The following DMD variants were observed in gnomAD, a reference collection of about 807,000 sequenced individuals.
The protein encoded by DMD is mutant dystrophin.
DMD carries 63 observed loss-of-function variants against 330.1 expected under a neutral mutation model. That is an observed-to-expected ratio of 0.19 (90% confidence interval 0.16 to 0.24). The LOEUF is 0.24. DMD is among the 10% of genes least tolerant of loss of function. The probability of loss-of-function intolerance (pLI) is 1.00; values close to 1 mark genes in which losing one functional copy is unlikely to be tolerated. For synonymous variants in DMD, 1,223 were observed against 959.8 expected, an observed-to-expected ratio of 1.27 and a Z score of -5.07; for missense variants, 3,344 against 2,684.1, an observed-to-expected ratio of 1.25 and a Z score of -5.43.
At chrX:32,393,163 A>C (rs1002989025) in intron 30 of DMD, among the ~76,000 whole-genome samples, 24 of 112,045 alleles carry the variant, frequency 2.1e-4, no homozygotes, top group African/African-American at 7.4e-4. Context: ...TTTCCATATG[A>C]AAAACCTTTC....
In DMD at chrX:32,545,148, G is replaced by A. The variant is rs376214348; in HGVS notation, c.2168+11C>T. ...ACTTCATTTGCAGATAAAAGCTTAA[G>A]ATGCTCTCACCTTTTCCTAATTTCA... On this transcript the variant is annotated intron_variant, in intron 17 of 78. Coordinates refer to ENST00000357033, the MANE Select transcript of DMD (RefSeq NM_004006.3). 8.3e-7 allele frequency: 1 copy of A among 1,205,323 alleles called. No homozygotes were observed. The highest frequency in any genetic ancestry group is 1.1e-6 in the Non-Finnish European group (1 of 889,948).
intron 17 of DMD, among the ~76,000 whole-genome samples, chrX:32,525,341 A>G (rs2046843852): frequency 1.8e-5 from 2 of 111,297 alleles, no homozygotes; most frequent in Non-Finnish European, 3.8e-5. Flanking sequence ...TTTCTCTCCA[A>G]TATTCTGCCA....
chrX:32,244,580 G>C (rs1220951838), intron 43 of DMD, among the ~76,000 whole-genome samples: 1 of 80,209 alleles, frequency 1.2e-5, no homozygotes, highest in Non-Finnish European at 2.4e-5. Flanking sequence ...CCCACCAACA[G>C]TGTAAAAGTG....
Position 31,885,438 on chromosome X carries a change from G to A in DMD, c.6913-10065C>T, listed in dbSNP as rs904898692. 2.8e-5 allele frequency among the ~76,000 whole-genome samples: 3 copies of A among 109,066 alleles called. No homozygotes were observed. In the South Asian group the frequency reaches 1.2e-3, roughly 43 times the overall value. The allele number at this position is 109,066 out of a possible 115,157, so 94.7% of individuals were successfully genotyped here. A position where few individuals can be genotyped will look rare whatever the true frequency, so the allele number is the denominator to read the frequency against. On this transcript the variant is annotated intron_variant, in intron 47 of 78. Transcript: ENST00000357033. ...ATCCTGGCTAACACGGTGAAACCCC[G>A]TCTCTACTAAAAATACAAAAAATTA...
intron 7 of DMD, among the ~76,000 whole-genome samples, chrX:32,736,301 C>A (rs2068473910): frequency 9.0e-6 from 1 of 111,348 alleles, no homozygotes; most frequent in Non-Finnish European, 1.9e-5. Flanking sequence ...AATAGGAACA[C>A]TTTTTCACTG....
Position 31,507,416 on chromosome X carries a change from T to A in DMD, c.8255A>T (p.Tyr2752Phe). Residue 2752 changes from tyrosine to phenylalanine, a missense_variant, in exon 56 of 79, where the codon TAT (tyrosine) becomes TTT (phenylalanine). By Grantham distance (22) the Tyr-to-Phe change is conservative. Transcript: ENST00000357033. ...QGEIEAHTDVYHNLDENSQKI... is the reference protein window; with the variant it reads ...QGEIEAHTDVFHNLDENSQKI... ...TTGGCTGTTTTCATCCAGGTTGTGA[T>A]AAACATCTGTGTGAGCTTCAATTTC... is the stretch of plus-strand genomic sequence containing the variant. 2 of 1,210,224 alleles carry A rather than the reference T, an allele frequency of 1.7e-6. No homozygotes were observed. Among genetic ancestry groups the A allele is most frequent in the South Asian group, 1.8e-5 (1 of 56,713 alleles).
At chrX:32,220,232 G>A (rs1162124634) in intron 43 of DMD, among the ~76,000 whole-genome samples, 1 of 111,219 alleles carries the variant, frequency 9.0e-6, no homozygotes, top group Non-Finnish European at 1.9e-5. Flanking sequence ...TCGTCTCCTC[G>A]TATAATCCAA....
intron 55 of DMD, among the ~76,000 whole-genome samples, chrX:31,606,018 G>A (rs1212486612): frequency 2.7e-4 from 30 of 111,319 alleles, no homozygotes. Flanking sequence ...TAATCCCCAC[G>A]TGTCAAGGGA....
chrX:31,506,327 G>A (rs1012381400), intron 56 of DMD, among the ~76,000 whole-genome samples: 3 of 111,606 alleles, frequency 2.7e-5, no homozygotes, highest in Admixed American at 1.9e-4. Flanking sequence ...AACTACTCCC[G>A]TCATTTAGTG....
At chrX:32,413,707 ATTC>A (rs1368463301) in intron 29 of DMD, among the ~76,000 whole-genome samples, 7 of 86,612 alleles carry the variant, frequency 8.1e-5, no homozygotes, top group Non-Finnish European at 1.1e-4. Context: ...TAAAAGCTCT[ATTC>A]TTTTTTTTTT....
intron 29 of DMD, among the ~76,000 whole-genome samples, chrX:32,426,938 A>T (rs927622497): frequency 4.5e-5 from 5 of 111,346 alleles, no homozygotes; most frequent in Non-Finnish European, 7.5e-5. Context: ...GGGAACAGAC[A>T]CTGGGTCCTA....
chrX:32,260,887 A>AT (rs1459832262), intron 43 of DMD, among the ~76,000 whole-genome samples: 6 of 112,075 alleles, frequency 5.4e-5, no homozygotes, highest in Admixed American at 1.9e-4. Flanking sequence ...AGAGAAAATA[A>AT]GTACATTTTG....
intron 5 of DMD, among the ~76,000 whole-genome samples, chrX:32,817,085 T>C (rs1450559004): frequency 8.9e-6 from 1 of 112,047 alleles, no homozygotes; most frequent in East Asian, 2.8e-4. Context: ...CTATTAATTG[T>C]GGTAATTGGA....
At chrX:33,334,146 T>C (rs2054218562) in intron 1 of DMD, among the ~76,000 whole-genome samples, 1 of 111,727 alleles carries the variant, frequency 9.0e-6, no homozygotes, top group East Asian at 2.8e-4. Context: ...AGATATTATA[T>C]ATAAGTCAAT....
chrX:32,990,392 TTCA>T (rs2092943779), intron 2 of DMD, among the ~76,000 whole-genome samples: 1 of 111,785 alleles, frequency 8.9e-6, no homozygotes, highest in South Asian at 3.7e-4. Context: ...TGCAGTGTAA[TTCA>T]TCAGTCATTG....
intron 53 of DMD, among the ~76,000 whole-genome samples, chrX:31,670,358 C>T (rs771030901): frequency 8.9e-6 from 1 of 112,136 alleles, no homozygotes; most frequent in African/African-American, 3.2e-5. Flanking sequence ...ACCAGGCATC[C>T]TTCACTATTT....
intron 43 of DMD, among the ~76,000 whole-genome samples, chrX:32,279,788 A>G (rs1433744724): frequency 9.1e-6 from 1 of 109,610 alleles, no homozygotes; most frequent in Non-Finnish European, 1.9e-5. Flanking sequence ...AAACAATTTA[A>G]TTGTACATTT....
At chrX:32,729,232 G>T (rs990744616) in intron 7 of DMD, among the ~76,000 whole-genome samples, 1 of 111,846 alleles carries the variant, frequency 8.9e-6, no homozygotes, top group South Asian at 3.7e-4. Flanking sequence ...CAACTCGTAT[G>T]TATAATAAAG....
At chrX:32,500,652 TA>T (rs2043962433) in intron 19 of DMD, among the ~76,000 whole-genome samples, 1 of 111,953 alleles carries the variant, frequency 8.9e-6, no homozygotes, top group Admixed American at 9.5e-5. Flanking sequence ...GTTGATCAGT[TA>T]AAATTACCAA....
Sources: allele counts gnomAD v4.1 joint callset (sites outside exome capture counted in the v4.1 genomes callset), GRCh38; gene constraint gnomAD v4.1.1; transcripts MANE v1.5; gene names NCBI Gene and HGNC (gene_info 2026-07-23, HGNC 2026-07-21).